The following CDH4 variants were observed in gnomAD, a reference collection of about 807,000 sequenced individuals.
CDH4 encodes cadherin-4.
A neutral mutation model predicts 86.0 loss-of-function variants in CDH4; 33 were observed. That is an observed-to-expected ratio of 0.38 (90% CI 0.29 to 0.51). The LOEUF (loss-of-function observed/expected upper bound fraction) is 0.51, where lower values mean the gene tolerates loss of function less well. Ranked by LOEUF, CDH4 falls within the 20% of genes least tolerant of loss-of-function variation. The probability of loss-of-function intolerance (pLI) is 0.86; values close to 1 mark genes in which losing one functional copy is unlikely to be tolerated. For synonymous variants in CDH4, 555 were observed against 549.4 expected, an observed-to-expected ratio of 1.01 and a Z score of -0.14; for missense variants, 1,114 against 1,307.4, an observed-to-expected ratio of 0.85 and a Z score of 2.28.
intron 2 of CDH4, among the ~76,000 whole-genome samples, chr20:61,539,757 C>T (rs1398605212): frequency 6.6e-6 from 1 of 152,244 alleles, no homozygotes; most frequent in Non-Finnish European, 1.5e-5. Context: ...CCTGCTGTCA[C>T]AGGACGAGAG....
At chr20:61,303,915 C>G (rs935434764) in intron 2 of CDH4, among the ~76,000 whole-genome samples, 2 of 152,214 alleles carry the variant, frequency 1.3e-5, no homozygotes, top group African/African-American at 4.8e-5. Flanking sequence ...ACTTAGGCAA[C>G]ACGTGCACCT....
intron 2 of CDH4, among the ~76,000 whole-genome samples, chr20:61,568,958 T>TCACTCAAGA (rs1555809627): frequency 2.6e-5 from 4 of 151,966 alleles, no homozygotes; most frequent in Non-Finnish European, 4.4e-5. Flanking sequence ...CAGTAGGTCC[T>TCACTCAAGA]CGCTCAAGAC....
chr20:61,935,271 A>G (rs962770707), intron 15 of CDH4, among the ~76,000 whole-genome samples: 2 of 152,258 alleles, frequency 1.3e-5, no homozygotes, highest in Non-Finnish European at 2.9e-5. Context: ...AACAGAAGAT[A>G]ACCCAGGCAG....
intron 8 of CDH4, among the ~76,000 whole-genome samples, chr20:61,904,096 C>G (rs2054760344): frequency 6.6e-6 from 1 of 152,226 alleles, no homozygotes; most frequent in African/African-American, 2.4e-5. Context: ...CAGCGGGGGA[C>G]AGCAGCCAGT....
intron 2 of CDH4, among the ~76,000 whole-genome samples, chr20:61,436,177 T>C (rs927367134): frequency 6.6e-6 from 1 of 152,144 alleles, no homozygotes; most frequent in African/African-American, 2.4e-5. Flanking sequence ...ACCCCCACCT[T>C]GGGCTCACCT....
At chr20:61,860,098 C>T (rs888287659) in intron 6 of CDH4, among the ~76,000 whole-genome samples, 2 of 152,248 alleles carry the variant, frequency 1.3e-5, no homozygotes, top group African/African-American at 4.8e-5. Context: ...CCGGCAGTGA[C>T]GCTGTCATTG....
At chr20:61,711,449 G>T (rs901322265) in intron 2 of CDH4, among the ~76,000 whole-genome samples, 2 of 152,218 alleles carry the variant, frequency 1.3e-5, no homozygotes, top group African/African-American at 4.8e-5. Context: ...AGACTCCAGG[G>T]CAGAATCCTG....
At chr20:61,686,754 T>C (rs1186684932) in intron 2 of CDH4, among the ~76,000 whole-genome samples, 2 of 151,862 alleles carry the variant, frequency 1.3e-5, no homozygotes, top group African/African-American at 2.4e-5. Context: ...CATATGTGTA[T>C]ATGTGCGTGT....
intron 2 of CDH4, among the ~76,000 whole-genome samples, chr20:61,362,357 G>A (rs1443797305): frequency 1.3e-5 from 2 of 151,960 alleles, no homozygotes; most frequent in African/African-American, 2.4e-5. Context: ...CGGAGACGTG[G>A]CCTAGGACAG....
At chr20:61,596,551 G>A (rs1392323137) in intron 2 of CDH4, among the ~76,000 whole-genome samples, 2 of 152,204 alleles carry the variant, frequency 1.3e-5, no homozygotes, top group Non-Finnish European at 1.5e-5. Flanking sequence ...AAGAAAAGAG[G>A]TGGTGGAAGA....
intron 3 of CDH4, among the ~76,000 whole-genome samples, chr20:61,772,411 G>A (rs935163035): frequency 2.6e-5 from 4 of 152,140 alleles, no homozygotes; most frequent in Admixed American, 6.5e-5. Flanking sequence ...TTTGATTACT[G>A]GGAGATGTGG....
At chr20:61,825,587 A>G (rs1981270846) in intron 4 of CDH4, among the ~76,000 whole-genome samples, 1 of 152,164 alleles carries the variant, frequency 6.6e-6, no homozygotes, top group African/African-American at 2.4e-5. Context: ...GCGAGACTGT[A>G]TTTATCTCTG....
intron 2 of CDH4, among the ~76,000 whole-genome samples, chr20:61,310,823 C>T (rs999514283): frequency 3.9e-5 from 6 of 152,186 alleles, no homozygotes; most frequent in South Asian, 2.1e-4. Context: ...TGCGTGTCTG[C>T]GTCCTAGCTC....
intron 7 of CDH4, among the ~76,000 whole-genome samples, chr20:61,891,699 CCA>C (rs1984827739): frequency 6.6e-6 from 1 of 152,218 alleles, no homozygotes; most frequent in African/African-American, 2.4e-5. Flanking sequence ...GGTCACCAAG[CCA>C]CAGTCACCCT....
Position 61,254,954 on chromosome 20 carries a change from A to T in CDH4, c.169+17A>T. The stretch of plus-strand genomic sequence containing the variant: ...TACTTCAAGGTAAGGCGGGGTGTGG[A>T]GGGGTGGGAGTGAATTGCTGCCATG... On this transcript the variant is annotated intron_variant, in intron 2 of 15. Coordinates refer to ENST00000614565, the MANE Select transcript of CDH4 (RefSeq NM_001794.5). 2.5e-5 allele frequency: 33 copies of T among 1,304,752 alleles called. No individual in the cohort carries two copies. The highest frequency in any genetic ancestry group is 1.8e-4 in the Middle Eastern group (1 of 5,476). The allele number at this position is 1,304,752 out of a possible 1,614,324, so 80.8% of individuals were successfully genotyped here.
At chr20:61,738,878 T>C (rs1286462054) in intron 2 of CDH4, 1 of 152,022 alleles carries the variant, frequency 6.6e-6, no homozygotes, top group Non-Finnish European at 1.5e-5. Context: ...AGGCTCAGCT[T>C]CCTATCTGCG....
chr20:61,818,732 A>G (rs910320566), intron 4 of CDH4, among the ~76,000 whole-genome samples: 3 of 150,138 alleles, frequency 2.0e-5, no homozygotes, highest in African/African-American at 7.3e-5. Flanking sequence ...CGCGTCTTGT[A>G]TGGGCCTAGG....
At chr20:61,262,770 C>T (rs1460195846) in intron 2 of CDH4, among the ~76,000 whole-genome samples, 1 of 150,018 alleles carries the variant, frequency 6.7e-6, no homozygotes, top group African/African-American at 2.5e-5. Context: ...CACCCTCCTT[C>T]CTCCTTCCCT....
intron 7 of CDH4, among the ~76,000 whole-genome samples, chr20:61,880,546 T>C (rs73915130): frequency 0.023 from 3,512 of 152,224 alleles, 118 homozygotes; most frequent in African/African-American, 0.068. Flanking sequence ...AGCCGTCATC[T>C]TGGGGCTTCC....
Sources: gnomAD v4.1 joint callset for allele counts (sites outside exome capture counted in the v4.1 genomes callset) on GRCh38, gnomAD v4.1.1 for gene constraint, MANE v1.5 for transcripts, NCBI Gene and HGNC (gene_info 2026-07-23, HGNC 2026-07-21) for gene names.